The following PTPRN2 variants were observed in gnomAD, a reference collection of about 807,000 sequenced individuals.
PTPRN2 encodes receptor-type tyrosine-protein phosphatase N2.
PTPRN2 carries 74 observed loss-of-function variants against 118.8 expected under a neutral mutation model. The observed-to-expected ratio is 0.62, with a 90% confidence interval of 0.52 to 0.76. The LOEUF (loss-of-function observed/expected upper bound fraction) is 0.76, where lower values mean the gene tolerates loss of function less well. Among genes scored for constraint, PTPRN2 ranks in the 30% least tolerant of loss-of-function variants. The pLI, the probability that PTPRN2 is intolerant of heterozygous loss-of-function variation, is 0.00. For synonymous variants in PTPRN2, 641 were observed against 608.0 expected, an observed-to-expected ratio of 1.05 and a Z score of -0.80; for missense variants, 1,481 against 1,394.4, an observed-to-expected ratio of 1.06 and a Z score of -0.99.
chr7:157,958,654 T>C (rs1053209640), intron 11 of PTPRN2, among the ~76,000 whole-genome samples: 9 of 152,150 alleles, frequency 5.9e-5, no homozygotes, highest in Admixed American at 4.6e-4. Context: ...AGCAATTCCA[T>C]GTACAATAGC....
chr7:158,433,987 A>AT (rs1563287846), intron 2 of PTPRN2, among the ~76,000 whole-genome samples: 1 of 151,328 alleles, frequency 6.6e-6, no homozygotes, highest in Non-Finnish European at 1.5e-5. Flanking sequence ...AAACATTTAG[A>AT]TTTTCTAGGG....
rs997418299 is a variant in PTPRN2, at chr7:157,990,285, C to T, written c.1723+91013G>A. The stretch of plus-strand genomic sequence containing the variant: ...ATAAGCAGGATCCAGGGTCGTGTAG[C>T]GACACAGCTTCCCAAGCAGGCGAGT... On this transcript the variant is annotated intron_variant, in intron 11 of 22. Coordinates refer to ENST00000389418, the MANE Select transcript of PTPRN2 (RefSeq NM_002847.5). The surrounding 1 kb of genome is among the most constrained non-coding windows in gnomAD (Gnocchi z 4.3). Among the ~76,000 whole-genome samples the T allele has an allele frequency of 6.6e-6, 1 of 151,920 alleles. No homozygotes were observed. The highest frequency in any genetic ancestry group is 2.4e-5 in the African/African-American group (1 of 41,320).
chr7:157,806,524 A>G (rs1030512642), intron 12 of PTPRN2, among the ~76,000 whole-genome samples: 3 of 152,188 alleles, frequency 2.0e-5, no homozygotes, highest in African/African-American at 7.2e-5. Flanking sequence ...AGATGCATAT[A>G]CGTGTATATG....
At position 158,574,413 on chromosome 7, in the gene PTPRN2, T is replaced by C. The variant is rs1828213899; in HGVS notation, c.112+13145A>G. Among the ~76,000 whole-genome samples the C allele has an allele frequency of 6.6e-6, 1 of 152,226 alleles. No individual in the cohort carries two copies. The highest frequency in any genetic ancestry group is 1.5e-5 in the Non-Finnish European group (1 of 68,040). On this transcript the variant is annotated intron_variant, in intron 1 of 22. Transcript: ENST00000389418. This position sits in a 1 kb window ranked among gnomAD's most constrained non-coding sequence, Gnocchi z 4.6. ...CAATGAGTTCAGTAGAGCACATATA[T>C]AACTTGTAAATAAGAATATGTATCC...
intron 12 of PTPRN2, among the ~76,000 whole-genome samples, chr7:157,848,607 C>T (rs1263412269): frequency 6.6e-6 from 1 of 152,260 alleles, no homozygotes; most frequent in Non-Finnish European, 1.5e-5. Context: ...CAACAAAATG[C>T]TCCCACCAGT....
intron 14 of PTPRN2, among the ~76,000 whole-genome samples, chr7:157,640,009 C>T (rs1585152037): frequency 1.3e-5 from 2 of 152,174 alleles, no homozygotes; most frequent in Non-Finnish European, 2.9e-5. Context: ...CAGGGCCATA[C>T]AAAACTAGAA....
At chr7:157,816,773 C>T (rs1288623157) in intron 12 of PTPRN2, among the ~76,000 whole-genome samples, 1 of 152,180 alleles carries the variant, frequency 6.6e-6, no homozygotes, top group Admixed American at 6.5e-5. Context: ...TCTGCCCTGG[C>T]GTTGAGTGCT....
At position 157,929,114 on chromosome 7, in the gene PTPRN2, T is replaced by G. The variant is rs1239998226; in HGVS notation, c.1724-30377A>C. ...TGTGAAATAAGGATCAGTGAAACGGTGAGACCATTCCTTCCACCCTTGTGT... is the reference window on the plus strand; with the variant it reads ...TGTGAAATAAGGATCAGTGAAACGGGGAGACCATTCCTTCCACCCTTGTGT... On this transcript the variant is annotated intron_variant, in intron 11 of 22. Coordinates refer to ENST00000389418, the MANE Select transcript of PTPRN2 (RefSeq NM_002847.5). This position sits in a 1 kb window ranked among gnomAD's most constrained non-coding sequence, Gnocchi z 4.4. Among the ~76,000 whole-genome samples, 1 of 152,114 alleles carries G rather than the reference T, an allele frequency of 6.6e-6. No individual in the cohort carries two copies. Among genetic ancestry groups the G allele is most frequent in the Non-Finnish European group, 1.5e-5 (1 of 68,016 alleles).
At chr7:157,993,552 A>G (rs545246920) in intron 11 of PTPRN2, among the ~76,000 whole-genome samples, 10 of 152,098 alleles carry the variant, frequency 6.6e-5, no homozygotes, top group Non-Finnish European at 1.5e-4. Flanking sequence ...AAACATGGGG[A>G]GGTGGCGATC....
intron 12 of PTPRN2, chr7:157,863,659 A>AC (rs1810407862): frequency 6.6e-6 from 1 of 152,106 alleles, no homozygotes; most frequent in African/African-American, 2.4e-5. Context: ...GGCAGCCTTG[A>AC]CCCCCAGGAC....
At chr7:158,162,284 G>A (rs980613671) in intron 6 of PTPRN2, among the ~76,000 whole-genome samples, 9 of 152,186 alleles carry the variant, frequency 5.9e-5, no homozygotes, top group Non-Finnish European at 8.8e-5. Context: ...ACAAAAACCT[G>A]CATGAGGGTG....
intron 6 of PTPRN2, among the ~76,000 whole-genome samples, chr7:158,162,574 G>A (rs190859839): frequency 7.8e-4 from 119 of 152,136 alleles, no homozygotes; most frequent in Non-Finnish European, 2.2e-4. Flanking sequence ...AAGGTCCATG[G>A]TTGCCAGGTC....
At chr7:158,083,495 T>A (rs1167447387) in intron 10 of PTPRN2, among the ~76,000 whole-genome samples, 4 of 152,170 alleles carry the variant, frequency 2.6e-5, no homozygotes, top group African/African-American at 9.6e-5. Flanking sequence ...TTCCCTCACG[T>A]GCTGAAAGTT....
chr7:158,204,300 C>T (rs1826947774), intron 4 of PTPRN2, among the ~76,000 whole-genome samples: 2 of 152,118 alleles, frequency 1.3e-5, no homozygotes, highest in South Asian at 4.1e-4. Context: ...AAAGAGGCAA[C>T]CCGCGCCCTC....
At chr7:158,318,200 C>G (rs929691119) in intron 2 of PTPRN2, among the ~76,000 whole-genome samples, 12 of 152,184 alleles carry the variant, frequency 7.9e-5, no homozygotes, top group Admixed American at 5.9e-4. Context: ...GGAACACAGG[C>G]AGATGTGCCC....
intron 5 of PTPRN2, among the ~76,000 whole-genome samples, chr7:158,171,415 CT>C (rs1823697122): frequency 6.8e-6 from 1 of 147,590 alleles, no homozygotes; most frequent in Non-Finnish European, 1.5e-5. Flanking sequence ...ATGGCGTGAT[CT>C]TGGCTCACTG....
intron 3 of PTPRN2, among the ~76,000 whole-genome samples, chr7:158,213,225 T>C (rs1051361440): frequency 2.6e-5 from 4 of 151,346 alleles, no homozygotes; most frequent in South Asian, 2.1e-4. Flanking sequence ...TGTGTGTGTG[T>C]GTGTGTGTGT....
intron 14 of PTPRN2, among the ~76,000 whole-genome samples, chr7:157,648,530 T>G (rs1403828721): frequency 1.5e-5 from 2 of 131,512 alleles, no homozygotes; most frequent in African/African-American, 5.6e-5. Context: ...ACTCGGTGGG[T>G]CAGACCCTTT....
intron 12 of PTPRN2, among the ~76,000 whole-genome samples, chr7:157,730,549 T>A (rs1799837774): frequency 6.6e-6 from 1 of 152,178 alleles, no homozygotes; most frequent in East Asian, 1.9e-4. Context: ...GGCTGGGCCA[T>A]TTCCCCCTCC....
Sources: allele counts gnomAD v4.1 joint callset (sites outside exome capture counted in the v4.1 genomes callset), GRCh38; gene constraint gnomAD v4.1.1; non-coding constraint Gnocchi (gnomAD v3.1); transcripts MANE v1.5; gene names NCBI Gene and HGNC (gene_info 2026-07-23, HGNC 2026-07-21).